GLRA3: variants seen among roughly 807,000 people sequenced by gnomAD.
The protein encoded by GLRA3 is glycine receptor alpha 3, also known as glycine receptor subunit alpha-3.
A neutral mutation model predicts 60.4 loss-of-function variants in GLRA3; 44 were observed. That is an observed-to-expected ratio of 0.73 (90% CI 0.57 to 0.94). The LOEUF (loss-of-function observed/expected upper bound fraction) is 0.94. Among genes scored for constraint, GLRA3 ranks in the 40% least tolerant of loss-of-function variants. The pLI, the probability that GLRA3 is intolerant of heterozygous loss-of-function variation, is 0.00. For synonymous variants in GLRA3, 223 were observed against 192.9 expected (o/e 1.16, Z -1.29); for missense variants, 508 against 564.6 (o/e 0.90, Z 1.02).
intron 5 of GLRA3, among the ~76,000 whole-genome samples, chr4:174,691,913 C>T (rs1432378577): frequency 2.6e-5 from 4 of 151,832 alleles, no homozygotes; most frequent in Non-Finnish European, 5.9e-5. Context: ...TGAGGAGCTT[C>T]TCTGCCCGGC....
At chr4:174,817,290 C>T (rs1038302373) in intron 1 of GLRA3, among the ~76,000 whole-genome samples, 5 of 152,200 alleles carry the variant, frequency 3.3e-5, no homozygotes, top group African/African-American at 1.2e-4. Context: ...TATCTTCGAT[C>T]TCAAAGAAGC....
intron 3 of GLRA3, among the ~76,000 whole-genome samples, chr4:174,758,987 A>G (rs1054519853): frequency 6.6e-6 from 1 of 152,096 alleles, no homozygotes; most frequent in Non-Finnish European, 1.5e-5. Context: ...AATGCTTTTC[A>G]TATTCTTCAG....
intron 1 of GLRA3, among the ~76,000 whole-genome samples, chr4:174,795,279 C>A (rs1739520206): frequency 6.6e-6 from 1 of 151,938 alleles, no homozygotes; most frequent in Non-Finnish European, 1.5e-5. Flanking sequence ...AGAAAATCTA[C>A]TAAAATTATC....
At chr4:174,653,311 G>C (rs1048836120) in intron 9 of GLRA3, among the ~76,000 whole-genome samples, 2 of 151,780 alleles carry the variant, frequency 1.3e-5, no homozygotes, top group Non-Finnish European at 2.9e-5. Flanking sequence ...TAAAATATCT[G>C]TCTAAAATAA....
chr4:174,772,040 T>A (rs1738410405), intron 2 of GLRA3, among the ~76,000 whole-genome samples: 1 of 152,164 alleles, frequency 6.6e-6, no homozygotes, highest in African/African-American at 2.4e-5. Flanking sequence ...AGGTACCGTC[T>A]TTGGAGGAGC....
At chr4:174,669,464 G>A (rs1050388535) in intron 7 of GLRA3, among the ~76,000 whole-genome samples, 17 of 152,086 alleles carry the variant, frequency 1.1e-4, no homozygotes, top group African/African-American at 4.1e-4. Flanking sequence ...ATCCTGGAGG[G>A]TGACTCACAA....
At chr4:174,828,179 A>T (rs1741054059) in intron 1 of GLRA3, among the ~76,000 whole-genome samples, 1 of 152,164 alleles carries the variant, frequency 6.6e-6, no homozygotes, top group East Asian at 1.9e-4. Context: ...GACATAGAAC[A>T]TATCTAATAA....
chr4:174,740,892 CTT>C (rs1736996150), intron 3 of GLRA3, among the ~76,000 whole-genome samples: 1 of 152,142 alleles, frequency 6.6e-6, no homozygotes, highest in Admixed American at 6.5e-5. Context: ...TCTTTCTTGA[CTT>C]AAGTTATTGT....
At chr4:174,669,493 G>A (rs374274893) in intron 7 of GLRA3, among the ~76,000 whole-genome samples, 2 of 152,098 alleles carry the variant, frequency 1.3e-5, no homozygotes, top group Non-Finnish European at 2.9e-5. Context: ...CTGGTGGAAT[G>A]TTCATGCTGA....
Position 174,647,878 on chromosome 4 carries a change from G to A in GLRA3, c.1117-3814C>T, listed in dbSNP as rs10014444. Among the ~76,000 whole-genome samples the A allele has an allele frequency of 6.8e-3, 1,037 of 152,230 alleles. 10 individuals are homozygous for A. The highest frequency in any genetic ancestry group is 0.023 in the African/African-American group (975 of 41,524). On this transcript the variant is annotated intron_variant, in intron 9 of 9. Coordinates refer to ENST00000274093, the MANE Select transcript of GLRA3 (RefSeq NM_006529.4). ...TCTCAATTCAGACTCTAAATTTCTA[G>A]TGCTCAATAACCACATGAGGCTAGT... is the stretch of plus-strand genomic sequence containing the variant.
chr4:174,709,998 C>A (rs896498482), intron 5 of GLRA3, among the ~76,000 whole-genome samples: 6 of 150,518 alleles, frequency 4.0e-5, no homozygotes, highest in Admixed American at 3.3e-4. Flanking sequence ...AATGAGTCTA[C>A]CCTCCATGAA....
At chr4:174,779,526 G>C in intron 2 of GLRA3, among the ~76,000 whole-genome samples, 1 of 152,094 alleles carries the variant, frequency 6.6e-6, no homozygotes. Context: ...AGCTAAGGGA[G>C]GACATTCAAA....
intron 5 of GLRA3, among the ~76,000 whole-genome samples, chr4:174,693,715 G>A (rs1579457487): frequency 6.6e-6 from 1 of 152,070 alleles, no homozygotes; most frequent in East Asian, 1.9e-4. Flanking sequence ...TATAGAAATA[G>A]CATTTAATCT....
At chr4:174,650,617 T>C (rs1732991355) in intron 9 of GLRA3, among the ~76,000 whole-genome samples, 1 of 152,192 alleles carries the variant, frequency 6.6e-6, no homozygotes, top group African/African-American at 2.4e-5. Context: ...CTGAAATACC[T>C]ACCCCATCAT....
rs555858126 is a variant in GLRA3 at position 174,693,430 on chromosome 4, A to AT, written c.575-10492dup. 1.7e-3 allele frequency among the ~76,000 whole-genome samples: 263 copies of AT among 151,818 alleles called. 1 individual carries two copies. Among genetic ancestry groups the AT allele is most frequent in the Admixed American group, 7.1e-3 (108 of 15,240 alleles). On this transcript the variant is annotated intron_variant, in intron 5 of 9. Coordinates refer to ENST00000274093, the MANE Select transcript of GLRA3 (RefSeq NM_006529.4). ...TGAATAGGGAATCTCTTCCCCATTG[A>AT]TTTTTTTTGTCAGCTTTTTCAAAGA...
At chr4:174,686,160 TG>T (rs1343282713) in intron 5 of GLRA3, among the ~76,000 whole-genome samples, 2 of 152,240 alleles carry the variant, frequency 1.3e-5, no homozygotes, top group Non-Finnish European at 2.9e-5. Context: ...AGGCCATGGT[TG>T]GGGGCAATTC....
chr4:174,779,611 T>C (rs1040696743), intron 2 of GLRA3, among the ~76,000 whole-genome samples: 4 of 151,920 alleles, frequency 2.6e-5, no homozygotes, highest in Non-Finnish European at 4.4e-5. Context: ...TACAGAGAAG[T>C]GCTTAAAGGA....
At chr4:174,769,165 G>GT (rs1477782313) in intron 2 of GLRA3, among the ~76,000 whole-genome samples, 1 of 151,774 alleles carries the variant, frequency 6.6e-6, no homozygotes, top group African/African-American at 2.4e-5. Flanking sequence ...TACATAATAT[G>GT]TTTTTTCTTT....
intron 3 of GLRA3, among the ~76,000 whole-genome samples, chr4:174,736,955 C>T (rs908312149): frequency 6.6e-6 from 1 of 152,108 alleles, no homozygotes; most frequent in Non-Finnish European, 1.5e-5. Flanking sequence ...AGTAAAATTG[C>T]CCTGTATATA....
Sources: gnomAD v4.1 joint callset for allele counts (sites outside exome capture counted in the v4.1 genomes callset) on GRCh38, gnomAD v4.1.1 for gene constraint, MANE v1.5 for transcripts, NCBI Gene and HGNC (gene_info 2026-07-23, HGNC 2026-07-21) for gene names.